The following CDH13 variants were observed in gnomAD, a reference collection of about 807,000 sequenced individuals.
The protein encoded by CDH13 is cadherin-13.
A neutral mutation model predicts 63.8 loss-of-function variants in CDH13; 24 were observed. The observed-to-expected ratio is 0.38, with a 90% confidence interval of 0.27 to 0.53. The LOEUF (loss-of-function observed/expected upper bound fraction) is 0.53, where lower values mean the gene tolerates loss of function less well. CDH13 is among the 20% of genes least tolerant of loss of function. CDH13 has a pLI of 0.85. For missense variants in CDH13, 1,049 were observed against 903.1 expected (o/e 1.16, Z -2.07); for synonymous variants, 503 against 355.3 (o/e 1.42, Z -4.67).
At chr16:83,357,705 T>G (rs1005685256) in intron 6 of CDH13, among the ~76,000 whole-genome samples, 1 of 152,170 alleles carries the variant, frequency 6.6e-6, no homozygotes, top group Non-Finnish European at 1.5e-5. Context: ...CAAAGAATCA[T>G]TTGCCTCAAA....
At chr16:83,386,322 G>A (rs997657769) in intron 6 of CDH13, among the ~76,000 whole-genome samples, 1 of 152,180 alleles carries the variant, frequency 6.6e-6, no homozygotes, top group African/African-American at 2.4e-5. Context: ...GCCACAAAGG[G>A]ATAGGCGTCC....
intron 1 of CDH13, among the ~76,000 whole-genome samples, chr16:82,736,045 C>A (rs536528539): frequency 2.0e-5 from 3 of 152,152 alleles, no homozygotes; most frequent in East Asian, 3.8e-4. Flanking sequence ...CCAATAAAAG[C>A]GATTCATGAA....
chr16:83,355,466 T>A (rs1400794760), intron 6 of CDH13, among the ~76,000 whole-genome samples: 1 of 152,210 alleles, frequency 6.6e-6, no homozygotes, highest in Non-Finnish European at 1.5e-5. Context: ...TTCCAACATT[T>A]AGCAGAGTCC....
intron 4 of CDH13, among the ~76,000 whole-genome samples, chr16:83,139,171 T>A (rs2036425971): frequency 6.6e-6 from 1 of 151,954 alleles, no homozygotes; most frequent in Non-Finnish European, 1.5e-5. Flanking sequence ...TGCATGGAGG[T>A]GGGCGAACAG....
intron 2 of CDH13, among the ~76,000 whole-genome samples, chr16:82,878,169 C>T (rs190254524): frequency 2.5e-3 from 376 of 152,100 alleles, no homozygotes; most frequent in South Asian, 4.8e-3. Context: ...AGTAGCATTC[C>T]CCAGTCTGTG....
At chr16:83,053,029 G>C (rs2030547157) in intron 3 of CDH13, among the ~76,000 whole-genome samples, 1 of 152,074 alleles carries the variant, frequency 6.6e-6, no homozygotes, top group Admixed American at 6.6e-5. Context: ...CTTTTCGAAG[G>C]CCTAACTTTT....
intron 2 of CDH13, among the ~76,000 whole-genome samples, chr16:82,864,401 A>G (rs561325533): frequency 1.3e-5 from 2 of 152,244 alleles, no homozygotes; most frequent in South Asian, 4.1e-4. Flanking sequence ...GGTTTAATTG[A>G]CTCACAATTC....
chr16:83,038,887 A>C (rs1278910512), intron 3 of CDH13, among the ~76,000 whole-genome samples: 4 of 152,218 alleles, frequency 2.6e-5, no homozygotes, highest in African/African-American at 4.8e-5. Context: ...AGATCATGGC[A>C]AGTAATTCTG....
intron 4 of CDH13, among the ~76,000 whole-genome samples, chr16:83,194,226 C>T (rs1186211315): frequency 1.3e-5 from 2 of 152,234 alleles, no homozygotes; most frequent in Non-Finnish European, 2.9e-5. Context: ...TAGGGACATG[C>T]ACCCTGACAA....
At chr16:82,815,220 C>T (rs1424279791) in intron 1 of CDH13, among the ~76,000 whole-genome samples, 2 of 152,046 alleles carry the variant, frequency 1.3e-5, no homozygotes, top group African/African-American at 2.4e-5. Context: ...GTCTTGGAAG[C>T]AGAAGAGAGT....
intron 7 of CDH13, among the ~76,000 whole-genome samples, chr16:83,545,293 C>T (rs925500990): frequency 1.3e-5 from 2 of 152,096 alleles, no homozygotes; most frequent in African/African-American, 2.4e-5. Flanking sequence ...TAAAGATTGC[C>T]GATGTTAATG....
At chr16:83,622,423 AC>A (rs1909901897) in intron 8 of CDH13, among the ~76,000 whole-genome samples, 1 of 152,222 alleles carries the variant, frequency 6.6e-6, no homozygotes, top group Non-Finnish European at 1.5e-5. Context: ...GGAGACTCGG[AC>A]GAGAAAGTCA....
chr16:83,687,278 G>A (rs1341772278), intron 10 of CDH13, among the ~76,000 whole-genome samples: 1 of 152,172 alleles, frequency 6.6e-6, no homozygotes, highest in Admixed American at 6.5e-5. Flanking sequence ...AAATGCCTGA[G>A]ACTGGGTAAT....
intron 6 of CDH13, among the ~76,000 whole-genome samples, chr16:83,374,014 A>G (rs573529349): frequency 3.3e-5 from 5 of 152,210 alleles, no homozygotes; most frequent in Non-Finnish European, 7.3e-5. Flanking sequence ...TTCTCTATTC[A>G]GGCCAGCCTC....
chr16:83,272,902 A>G (rs2088868869), intron 5 of CDH13, among the ~76,000 whole-genome samples: 1 of 152,254 alleles, frequency 6.6e-6, no homozygotes, highest in South Asian at 2.1e-4. Context: ...AGAGCTAATG[A>G]TGAGTTTGCT....
chr16:82,638,110 C>T (rs190220144), intron 1 of CDH13, among the ~76,000 whole-genome samples: 1 of 152,202 alleles, frequency 6.6e-6, no homozygotes, highest in Admixed American at 6.5e-5. Context: ...TGCCTTGCCT[C>T]CCTCTTTCTG....
intron 8 of CDH13, among the ~76,000 whole-genome samples, chr16:83,636,074 T>C (rs769968919): frequency 1.1e-4 from 16 of 148,190 alleles, no homozygotes; most frequent in Non-Finnish European, 2.2e-4. Flanking sequence ...CCTTCTTCCA[T>C]TGAATTGCTA....
intron 6 of CDH13, among the ~76,000 whole-genome samples, chr16:83,436,999 T>G (rs991530708): frequency 6.6e-6 from 1 of 152,178 alleles, no homozygotes; most frequent in African/African-American, 2.4e-5. Flanking sequence ...TTTTGGTGCT[T>G]GAGAACAAAT....
intron 1 of CDH13, among the ~76,000 whole-genome samples, chr16:82,730,424 G>A (rs1019968815): frequency 6.6e-6 from 1 of 152,180 alleles, no homozygotes; most frequent in African/African-American, 2.4e-5. Context: ...GAGAGAGGGA[G>A]AGGAAAGGCT....
Sources: gnomAD v4.1 joint callset for allele counts (sites outside exome capture counted in the v4.1 genomes callset) on GRCh38, gnomAD v4.1.1 for gene constraint, MANE v1.5 for transcripts, NCBI Gene and HGNC (gene_info 2026-07-23, HGNC 2026-07-21) for gene names.